MEGF10: variants seen among roughly 807,000 people sequenced by gnomAD.
MEGF10 encodes multiple EGF like domains 10.
In MEGF10, 86 loss-of-function variants were observed where a neutral mutation model predicts 147.5. The ratio of observed to expected loss-of-function variants is 0.58; its 90% CI spans 0.49 to 0.70. The LOEUF (loss-of-function observed/expected upper bound fraction) is 0.70, where lower values mean the gene tolerates loss of function less well. Among genes scored for constraint, MEGF10 ranks in the 30% least tolerant of loss-of-function variants. The pLI is 0.00. For synonymous variants in MEGF10, 478 were observed against 525.5 expected (o/e 0.91, Z 1.24); for missense variants, 1,329 against 1,487.3 (o/e 0.89, Z 1.75).
chr5:127,319,607 T>G (rs1760714704), intron 1 of MEGF10, among the ~76,000 whole-genome samples: 1 of 152,174 alleles, frequency 6.6e-6, no homozygotes, highest in Admixed American at 6.6e-5. Context: ...TGGCAAAACT[T>G]CTACCATGCT....
chr5:127,291,451 A>G (rs545118758), intron 1 of MEGF10, among the ~76,000 whole-genome samples: 25 of 152,242 alleles, frequency 1.6e-4, no homozygotes, highest in African/African-American at 5.8e-4. Flanking sequence ...CCTTTCTTCT[A>G]GGTCAGTTGA....
At chr5:127,416,204 T>C (rs1016563817) in intron 9 of MEGF10, among the ~76,000 whole-genome samples, 1 of 151,782 alleles carries the variant, frequency 6.6e-6, no homozygotes, top group Non-Finnish European at 1.5e-5. Context: ...ATTTTTTGTG[T>C]TTTTTAGTAG....
upstream of MEGF10, among the ~76,000 whole-genome samples, chr5:127,287,287 G>C (rs1759057787): frequency 6.6e-6 from 1 of 151,898 alleles, no homozygotes; most frequent in Non-Finnish European, 1.5e-5. Context: ...ATCCTATCCA[G>C]TGAAATAAGG....
chr5:127,257,806 G>A, the MEGF10 span, among the ~76,000 whole-genome samples: 10 of 152,120 alleles, frequency 6.6e-5, no homozygotes, highest in African/African-American at 1.9e-4. Context: ...ACAAAAAAAT[G>A]TATAATTCTA....
chr5:127,351,452 A>G (rs1318088822), intron 4 of MEGF10, among the ~76,000 whole-genome samples: 2 of 152,150 alleles, frequency 1.3e-5, no homozygotes, highest in Non-Finnish European at 2.9e-5. Context: ...ACATTTTACT[A>G]TATTAATATA....
chr5:127,305,252 G>A (rs1580686809), intron 1 of MEGF10, among the ~76,000 whole-genome samples: 1 of 152,288 alleles, frequency 6.6e-6, no homozygotes, highest in African/African-American at 2.4e-5. Context: ...GAGAACCATC[G>A]TCGGAGAATA....
In MEGF10 at chr5:127,460,900, GTTTA is replaced by G. The variant is rs1766536633; in HGVS notation, c.*3585_*3588del. 1.3e-5 allele frequency: 2 copies of G among 152,100 alleles called. No individual in the cohort carries two copies. Among genetic ancestry groups the G allele is most frequent in the African/African-American group, 4.8e-5 (2 of 41,436 alleles). 9.4% of individuals were successfully genotyped at this position (152,100 alleles called of 1,614,324 possible). A position where few individuals can be genotyped will look rare whatever the true frequency, so the allele number is the denominator to read the frequency against. ...AATTACGTGGTATGGATGTTTGCTT[GTTTA>G]TTAACTAAAGATGTACAGCAAACTG... On this transcript the variant is annotated 3_prime_UTR_variant, in exon 25 of 25. Coordinates refer to ENST00000503335, the MANE Select transcript of MEGF10 (RefSeq NM_001256545.2).
At chr5:127,264,535 A>T in the MEGF10 span, among the ~76,000 whole-genome samples, 1 of 152,256 alleles carries the variant, frequency 6.6e-6, no homozygotes, top group African/African-American at 2.4e-5. Context: ...GCAAGGTTGG[A>T]TCTAGAAGTC....
At chr5:127,334,416 A>T (rs147747835) in intron 2 of MEGF10, among the ~76,000 whole-genome samples, 143 of 152,270 alleles carry the variant, frequency 9.4e-4, no homozygotes, top group African/African-American at 3.4e-3. Flanking sequence ...ACAAGATCCC[A>T]GGGAGGTTTG....
chr5:127,411,717 C>T (rs1017426697), intron 9 of MEGF10, among the ~76,000 whole-genome samples: 10 of 152,100 alleles, frequency 6.6e-5, no homozygotes, highest in African/African-American at 9.7e-5. Context: ...GACAAGTTTA[C>T]GTAAATATTT....
chr5:127,274,491 T>G, the MEGF10 span, among the ~76,000 whole-genome samples: 1 of 152,164 alleles, frequency 6.6e-6, no homozygotes, highest in Non-Finnish European at 1.5e-5. Flanking sequence ...AAATTTACTT[T>G]AGAATGATAT....
chr5:127,410,292 C>T, intron 8 of MEGF10, 97 bp from the exon 9 acceptor site: 2 of 1,159,740 alleles, frequency 1.7e-6, no homozygotes, highest in Admixed American at 2.0e-5. Context: ...CAAAAAGCAG[C>T]TTCGATTTAT....
At chr5:127,366,654 C>G (rs1369086001) in intron 4 of MEGF10, among the ~76,000 whole-genome samples, 1 of 152,150 alleles carries the variant, frequency 6.6e-6, no homozygotes, top group African/African-American at 2.4e-5. Flanking sequence ...AATGTTAGCT[C>G]AAGGTTTTCA....
the MEGF10 span, among the ~76,000 whole-genome samples, chr5:127,236,891 G>A: frequency 3.3e-5 from 5 of 152,206 alleles, no homozygotes; most frequent in Admixed American, 3.3e-4. Flanking sequence ...GTCTCCTTGA[G>A]AGAACTGAGA....
At chr5:127,268,283 C>T in the MEGF10 span, among the ~76,000 whole-genome samples, 1 of 152,120 alleles carries the variant, frequency 6.6e-6, no homozygotes, top group South Asian at 2.1e-4. Flanking sequence ...GTCTGAGAGA[C>T]AGTTTGTTAT....
chr5:127,422,810 G>C (rs188597807), intron 13 of MEGF10, 38 bp downstream of exon 13: 1 of 1,495,898 alleles, frequency 6.7e-7, no homozygotes, highest in East Asian at 2.3e-5. Flanking sequence ...GGTGAAACCC[G>C]CCAATTTAAC....
chr5:127,338,906 A>G (rs1216116140), intron 2 of MEGF10, among the ~76,000 whole-genome samples: 2 of 152,126 alleles, frequency 1.3e-5, no homozygotes, highest in East Asian at 1.9e-4. Flanking sequence ...TAAAATTTAC[A>G]GCACAAATCG....
chr5:127,399,605 C>T (rs955696014), intron 7 of MEGF10, among the ~76,000 whole-genome samples: 1 of 152,164 alleles, frequency 6.6e-6, no homozygotes, highest in Non-Finnish European at 1.5e-5. Flanking sequence ...GCTGTTCTTT[C>T]AGAGGTTACA....
the MEGF10 span, among the ~76,000 whole-genome samples, chr5:127,231,507 C>A: frequency 6.6e-6 from 1 of 152,214 alleles, no homozygotes; most frequent in South Asian, 2.1e-4. Context: ...CTCCAAGTGA[C>A]CCTGTAAAAT....
Sources: gnomAD v4.1 joint callset for allele counts (sites outside exome capture counted in the v4.1 genomes callset) on GRCh38, gnomAD v4.1.1 for gene constraint, MANE v1.5 for transcripts, NCBI Gene and HGNC (gene_info 2026-07-23, HGNC 2026-07-21) for gene names.